Variants in NAV2 observed in about 807,000 individuals in gnomAD.
The protein encoded by NAV2 is neuron navigator 2, also known as helicase, APC down-regulated 1.
Under a neutral mutation model 223.2 loss-of-function variants are expected in NAV2, and 54 were observed. That is an observed-to-expected ratio of 0.24 (90% confidence interval 0.19 to 0.30). The LOEUF (loss-of-function observed/expected upper bound fraction) is 0.30, where lower values mean the gene tolerates loss of function less well. Among genes scored for constraint, NAV2 ranks in the 10% least tolerant of loss-of-function variants. The probability of loss-of-function intolerance (pLI) is 1.00; values close to 1 mark genes in which losing one functional copy is unlikely to be tolerated. For synonymous variants in NAV2, 1,279 were observed against 1,239.3 expected, an observed-to-expected ratio of 1.03 and a Z score of -0.67; for missense variants, 2,806 against 3,147.5, an observed-to-expected ratio of 0.89 and a Z score of 2.60.
Position 20,055,854 on chromosome 11 carries a change from T to C in NAV2, c.4728T>C (p.Tyr1576=), listed in dbSNP as rs932756750. 5 of 1,614,056 alleles carry C rather than the reference T, an allele frequency of 3.1e-6. No individual in the cohort carries two copies. The highest frequency in any genetic ancestry group is 4.2e-6 in the Non-Finnish European group (5 of 1,180,038). The change falls in exon 19 of 38, where the codon TAT becomes TAC. Residue 1576 remains tyrosine, a synonymous_variant. Transcript: ENST00000349880. The stretch of plus-strand genomic sequence containing the variant: ...GCCTCTCCAATGCTGATGGGCAGTA[T>C]GATCCATACACTGACAGCCGCTTCC... The part of the protein sequence containing the change: ...THSLSNADGQ[Y]DPYTDSRFRN...
At chr11:19,403,950 G>T (rs182797017) in intron 1 of NAV2, among the ~76,000 whole-genome samples, 24 of 152,276 alleles carry the variant, frequency 1.6e-4, no homozygotes, top group African/African-American at 5.5e-4. Flanking sequence ...GGGGACCATG[G>T]TCCATATAGA....
At chr11:19,926,939 T>A (rs2044807965) in intron 6 of NAV2, among the ~76,000 whole-genome samples, 1 of 152,168 alleles carries the variant, frequency 6.6e-6, no homozygotes, top group East Asian at 1.9e-4. Flanking sequence ...AGGAGAGACC[T>A]GGGGCCAGTG....
chr11:19,370,283 G>T (rs1848427517), intron 1 of NAV2, among the ~76,000 whole-genome samples: 1 of 152,226 alleles, frequency 6.6e-6, no homozygotes, highest in South Asian at 2.1e-4. Flanking sequence ...ATGAGGAAAT[G>T]GTTAAGTCTT....
At chr11:19,920,781 T>C (rs1320489938) in intron 6 of NAV2, among the ~76,000 whole-genome samples, 1 of 152,246 alleles carries the variant, frequency 6.6e-6, no homozygotes, top group Non-Finnish European at 1.5e-5. Flanking sequence ...AAGGGTAGTC[T>C]GAATATCACA....
At chr11:19,702,848 T>C (rs1236014607) in intron 1 of NAV2, among the ~76,000 whole-genome samples, 1 of 148,456 alleles carries the variant, frequency 6.7e-6, no homozygotes, top group Non-Finnish European at 1.5e-5. Flanking sequence ...AAATAAAAGG[T>C]TAAAACAAAT....
intron 10 of NAV2, among the ~76,000 whole-genome samples, chr11:19,971,507 C>T (rs1330813341): frequency 6.6e-6 from 1 of 151,962 alleles, no homozygotes; most frequent in Non-Finnish European, 1.5e-5. Flanking sequence ...CATGGGTGGG[C>T]CCCCCGGTAA....
intron 11 of NAV2, among the ~76,000 whole-genome samples, chr11:20,016,858 TAGCC>T (rs2054052461): frequency 7.9e-6 from 1 of 127,276 alleles, no homozygotes. Flanking sequence ...AAAAAAAAAT[TAGCC>T]AGGTGCGGTG....
At chr11:19,427,829 C>A (rs962138471) in intron 1 of NAV2, among the ~76,000 whole-genome samples, 2 of 152,198 alleles carry the variant, frequency 1.3e-5, no homozygotes, top group Non-Finnish European at 2.9e-5. Flanking sequence ...TCTGTCAGTT[C>A]ATTGCCTACA....
intron 1 of NAV2, among the ~76,000 whole-genome samples, chr11:19,428,101 G>T (rs2133567988): frequency 6.6e-6 from 1 of 151,968 alleles, no homozygotes; most frequent in Middle Eastern, 3.4e-3. Context: ...GATTTCTTCT[G>T]CTATTATAAT....
intron 1 of NAV2, among the ~76,000 whole-genome samples, chr11:19,440,849 G>T (rs1272522863): frequency 6.6e-6 from 1 of 152,130 alleles, no homozygotes; most frequent in African/African-American, 2.4e-5. Flanking sequence ...CTTTGTGCAG[G>T]ATAAACATCT....
At chr11:19,773,865 T>C (rs1207991731) in intron 1 of NAV2, among the ~76,000 whole-genome samples, 2 of 152,138 alleles carry the variant, frequency 1.3e-5, no homozygotes, top group East Asian at 1.9e-4. Flanking sequence ...CTTCCTCCAG[T>C]CTCTACCTTT....
intron 1 of NAV2, among the ~76,000 whole-genome samples, chr11:19,809,426 T>A (rs2058743394): frequency 6.6e-6 from 1 of 152,202 alleles, no homozygotes; most frequent in African/African-American, 2.4e-5. Context: ...TTGTAATTGT[T>A]CTTTTTTAAA....
intron 15 of NAV2, among the ~76,000 whole-genome samples, chr11:20,049,548 G>A (rs2057771648): frequency 1.3e-5 from 2 of 151,888 alleles, no homozygotes. Flanking sequence ...CAGAGCAGGT[G>A]ACTGGGTGCA....
chr11:19,734,980 A>C (rs1481467981), intron 1 of NAV2, among the ~76,000 whole-genome samples: 4 of 152,238 alleles, frequency 2.6e-5, no homozygotes. Flanking sequence ...GTTGGAGCCA[A>C]GCCTCAGATT....
At position 19,762,416 on chromosome 11, in the gene NAV2, C is replaced by G. The variant is rs557184122; in HGVS notation, c.267+48454C>G. On this transcript the variant is annotated intron_variant, in intron 1 of 37. Coordinates refer to ENST00000349880, the MANE Select transcript of NAV2 (RefSeq NM_145117.5). ...CCCCAAGTTCTTCTCCAGCATGTTTCTAGACATTTGTGGCTTCATTTTCCA... is the reference window on the plus strand; with the variant it reads ...CCCCAAGTTCTTCTCCAGCATGTTTGTAGACATTTGTGGCTTCATTTTCCA... Among the ~76,000 whole-genome samples the G allele has an allele frequency of 6.6e-5, 10 of 152,316 alleles. No homozygotes were observed. The East Asian group carries it at 1.9e-3, about 29-fold the overall frequency.
chr11:19,942,187 A>G (rs1226171182), intron 8 of NAV2, among the ~76,000 whole-genome samples: 2 of 152,120 alleles, frequency 1.3e-5, no homozygotes, highest in Non-Finnish European at 2.9e-5. Context: ...TCAGGCTGTG[A>G]GTTAGTGGGT....
intron 8 of NAV2, among the ~76,000 whole-genome samples, chr11:19,945,027 TTC>T (rs1191876621): frequency 4.0e-5 from 6 of 150,782 alleles, no homozygotes; most frequent in East Asian, 1.9e-4. Flanking sequence ...CTTTTCTTTC[TTC>T]TTTCTTTTTC....
intron 1 of NAV2, among the ~76,000 whole-genome samples, chr11:19,546,845 A>G (rs2044515027): frequency 6.6e-6 from 1 of 152,200 alleles, no homozygotes; most frequent in South Asian, 2.1e-4. Flanking sequence ...CCCAGCTGCA[A>G]ACATTTTCTC....
At chr11:19,806,914 G>A (rs1306606137) in intron 1 of NAV2, among the ~76,000 whole-genome samples, 1 of 152,086 alleles carries the variant, frequency 6.6e-6, no homozygotes, top group East Asian at 1.9e-4. Context: ...ACCCTGCCTG[G>A]GCATCAGAAT....
Sources: allele counts gnomAD v4.1 joint callset (sites outside exome capture counted in the v4.1 genomes callset), GRCh38; gene constraint gnomAD v4.1.1; transcripts MANE v1.5; gene names NCBI Gene and HGNC (gene_info 2026-07-23, HGNC 2026-07-21).